The following DNAJC25 variants were observed in gnomAD, a reference collection of about 807,000 sequenced individuals.
DNAJC25 encodes DnaJ heat shock protein family (Hsp40) member C25.
A neutral mutation model predicts 42.1 loss-of-function variants in DNAJC25; 26 were observed. The ratio of observed to expected loss-of-function variants is 0.62; its 90% confidence interval spans 0.45 to 0.86. The LOEUF is 0.86. Among genes scored for constraint, DNAJC25 ranks in the 40% least tolerant of loss-of-function variants. The pLI is 0.00. For synonymous variants in DNAJC25, 189 were observed against 179.9 expected (o/e 1.05, Z -0.40); for missense variants, 404 against 459.4 (o/e 0.88, Z 1.10).
Position 111,653,248 on chromosome 9 carries a change from A to T in DNAJC25, c.*26A>T, listed in dbSNP as rs373362108. On this transcript the variant is annotated 3_prime_UTR_variant, in exon 4 of 4. Transcript: ENST00000313525. The stretch of plus-strand genomic sequence containing the variant: ...AGATTGATGGAATGCTACTATGCCA[A>T]ACCTTAATTGTGATATTATTTTCAT... 1.3e-6 allele frequency: 2 copies of T among 1,504,318 alleles called. No individual in the cohort carries two copies. Among genetic ancestry groups the T allele is most frequent in the Non-Finnish European group, 1.8e-6 (2 of 1,122,918 alleles). The allele number at this position is 1,504,318 out of a possible 1,614,324, so 93.2% of individuals were successfully genotyped here.
At position 111,649,698 on chromosome 9, in the gene DNAJC25, C is replaced by T; in HGVS notation, c.735C>T (p.Leu245=). 6.2e-7 allele frequency: 1 copy of T among 1,614,042 alleles called. No individual in the cohort carries two copies. Among genetic ancestry groups the T allele is most frequent in the East Asian group, 2.2e-5 (1 of 44,868 alleles). Residue 245 remains leucine, a synonymous_variant, in exon 3 of 4, where the codon CTC becomes CTT. Coordinates refer to ENST00000313525, the MANE Select transcript of DNAJC25 (RefSeq NM_001015882.3). ...AGAAACCCCAAATCTGTGATCTTCT[C>T]CTGTTTCAAATTATCTTAGCTCCTT... ...GYQKPQICDL[L]LFQIILAPFH...
chr9:111,651,754 G>C lies in DNAJC25; in HGVS notation c.961-1346G>C, dbSNP rs185207173. Among the ~76,000 whole-genome samples the C allele has an allele frequency of 2.0e-5, 3 of 151,614 alleles. No individual in the cohort carries two copies. The East Asian group carries it at 5.8e-4, about 29-fold the overall frequency. ...AAATACAAAAAATTAACTGGGCGTG[G>C]TGGTGCCTGTGGTCCTAGCTACTCG... is the stretch of plus-strand genomic sequence containing the variant. On this transcript the variant is annotated intron_variant, in intron 3 of 3. Transcript: ENST00000313525.
intron 1 of DNAJC25, among the ~76,000 whole-genome samples, chr9:111,639,455 T>G (rs972121290): frequency 1.1e-4 from 17 of 152,166 alleles, no homozygotes; most frequent in African/African-American, 3.4e-4. Flanking sequence ...TTACAAGCAT[T>G]ACTAGTATGT....
In DNAJC25 at chr9:111,649,808, GATTATAC is replaced by G; in HGVS notation, c.853_859del (p.Ile285ValfsTer4). ...GGCAAAGAATATGGAGAGGAAGAGA[GATTATAC>G]ATTATACGTAAATCTATGAAGATGT... On this transcript the variant is annotated frameshift_variant, in exon 3 of 4. Transcript: ENST00000313525. LOFTEE classifies it high-confidence loss of function. 1.2e-6 allele frequency: 2 copies of G among 1,613,876 alleles called. No homozygotes were observed. The highest frequency in any genetic ancestry group is 1.7e-6 in the Non-Finnish European group (2 of 1,179,934).
chr9:111,640,741 T>G (rs1232156557), intron 1 of DNAJC25, among the ~76,000 whole-genome samples: 15 of 91,856 alleles, frequency 1.6e-4, no homozygotes, highest in Admixed American at 4.4e-4. Context: ...AGCTGCCCCG[T>G]CTGAGAAGTG....
At chr9:111,641,983 T>TC (rs1830480374) in intron 1 of DNAJC25, among the ~76,000 whole-genome samples, 1 of 64,742 alleles carries the variant, frequency 1.5e-5, no homozygotes, top group Non-Finnish European at 3.0e-5. Context: ...GGGAGGGAGG[T>TC]GGGGGGGGTC....
chr9:111,652,793 C>T (rs1485310854), intron 3 of DNAJC25, among the ~76,000 whole-genome samples: 2 of 151,764 alleles, frequency 1.3e-5, no homozygotes, highest in Admixed American at 6.6e-5. Flanking sequence ...GTGATCCACC[C>T]GCCTTGGCCT....
At chr9:111,641,133 G>A (rs1830452375) in intron 1 of DNAJC25, among the ~76,000 whole-genome samples, 2 of 112,166 alleles carry the variant, frequency 1.8e-5, no homozygotes, top group Non-Finnish European at 3.5e-5. Context: ...AGATGGGGGG[G>A]TCAGCCCCCC....
Position 111,631,607 on chromosome 9 carries a change from G to C in DNAJC25, c.200G>C (p.Arg67Pro). ...TCGGCGGGCAAGGCGGAGATCGCGCGGGCCTACCGCCAGCTGGCCCGGCGC... is the reference window on the plus strand; with the variant it reads ...TCGGCGGGCAAGGCGGAGATCGCGCCGGCCTACCGCCAGCTGGCCCGGCGC... ...SRSAGKAEIARAYRQLARRYH... is the reference protein window; with the variant it reads ...SRSAGKAEIAPAYRQLARRYH... The change falls in exon 1 of 4, where the codon CGG becomes CCG. Residue 67 changes from arginine to proline, a missense_variant. Physicochemically the swap from Arg to Pro is moderately radical, Grantham distance 103. Transcript: ENST00000313525. The C allele has an allele frequency of 6.7e-7, 1 of 1,486,028 alleles. No homozygotes were observed. The highest frequency in any genetic ancestry group is 8.9e-7 in the Non-Finnish European group (1 of 1,126,062). 92.1% of individuals were successfully genotyped at this position (1,486,028 alleles called of 1,614,324 possible).
rs368856452 is a variant in DNAJC25 at position 111,649,377 on chromosome 9, G to T, written c.490-76G>T. ...GGTTTCTTGGGAGATGGTATTCACC[G>T]AGACTCTATCATTCCTTTAATTTAG... On this transcript the variant is annotated intron_variant, in intron 2 of 3. Coordinates refer to ENST00000313525, the MANE Select transcript of DNAJC25 (RefSeq NM_001015882.3). 9 of 1,440,386 alleles carry T rather than the reference G, an allele frequency of 6.2e-6. No homozygotes were observed. In the African/African-American group the frequency reaches 1.2e-4, roughly 18 times the overall value. The allele number at this position is 1,440,386 out of a possible 1,614,324, so 89.2% of individuals were successfully genotyped here. A position where few individuals can be genotyped will look rare whatever the true frequency, so the allele number is the denominator to read the frequency against.
At chr9:111,645,671 T>C (rs1479204759) in intron 1 of DNAJC25, among the ~76,000 whole-genome samples, 1 of 152,230 alleles carries the variant, frequency 6.6e-6, no homozygotes, top group African/African-American at 2.4e-5. Context: ...CAGAAGGTGA[T>C]CCTAAACAGA....
chr9:111,632,499 G>A (rs1034365221), intron 1 of DNAJC25, among the ~76,000 whole-genome samples: 1 of 152,104 alleles, frequency 6.6e-6, no homozygotes, highest in Non-Finnish European at 1.5e-5. Flanking sequence ...TATTTCATTT[G>A]ACAGGTTTTA....
intron 1 of DNAJC25, among the ~76,000 whole-genome samples, chr9:111,641,720 A>G (rs1830473047): frequency 8.4e-6 from 1 of 119,246 alleles, no homozygotes; most frequent in Non-Finnish European, 1.7e-5. Flanking sequence ...CCCGTCCGGG[A>G]GGTGAGGGGC....
intron 1 of DNAJC25, 97 bp from the exon 2 acceptor site, chr9:111,647,010 T>C (rs1000915842): frequency 3.0e-6 from 4 of 1,323,512 alleles, no homozygotes; most frequent in Non-Finnish European, 4.0e-6. Context: ...AGATTAACCT[T>C]ACATAATTAT....
At chr9:111,634,221 T>A (rs1171783380) in intron 1 of DNAJC25, among the ~76,000 whole-genome samples, 1 of 152,210 alleles carries the variant, frequency 6.6e-6, no homozygotes, top group Non-Finnish European at 1.5e-5. Context: ...CTCCAAGAAC[T>A]ATTTACCTCA....
intron 3 of DNAJC25, among the ~76,000 whole-genome samples, chr9:111,651,195 C>CA (rs1351610347): frequency 7.0e-6 from 1 of 143,036 alleles, no homozygotes; most frequent in African/African-American, 2.6e-5. Flanking sequence ...ACCAGGGAGG[C>CA]AGAGGTTGCA....
At chr9:111,646,715 A>G (rs946681239) in intron 1 of DNAJC25, among the ~76,000 whole-genome samples, 2 of 152,192 alleles carry the variant, frequency 1.3e-5, no homozygotes, top group African/African-American at 4.8e-5. Flanking sequence ...AACTATCTAT[A>G]CAAGGCTGGG....
Position 111,631,581 on chromosome 9 carries a change from C to G in DNAJC25, c.174C>G (p.Arg58=), listed in dbSNP as rs942629586. 6.9e-7 allele frequency: 1 copy of G among 1,458,156 alleles called. No individual in the cohort carries two copies. Among genetic ancestry groups the G allele is most frequent in the Non-Finnish European group, 9.0e-7 (1 of 1,114,208 alleles). The allele number at this position is 1,458,156 out of a possible 1,614,324, so 90.3% of individuals were successfully genotyped here. The change falls in exon 1 of 4, where the codon CGC becomes CGG. Residue 58 remains arginine (R), a synonymous_variant. Transcript: ENST00000313525. ...RDCYEVLGVS[R]SAGKAEIARA... ...GCTACGAGGTGCTGGGCGTGAGCCG[C>G]TCGGCGGGCAAGGCGGAGATCGCGC...
chr9:111,647,075 C>G, intron 1 of DNAJC25, 32 bp from the exon 2 acceptor site: 2 of 1,609,142 alleles, frequency 1.2e-6, no homozygotes, highest in Non-Finnish European at 1.7e-6. Flanking sequence ...AATGGACTGT[C>G]CTATGAAGTT....
Sources: gnomAD v4.1 joint callset for allele counts (sites outside exome capture counted in the v4.1 genomes callset) on GRCh38, gnomAD v4.1.1 for gene constraint, MANE v1.5 for transcripts, NCBI Gene and HGNC (gene_info 2026-07-23, HGNC 2026-07-21) for gene names.